The following TCERG1L variants were observed in gnomAD, a reference collection of about 807,000 sequenced individuals.
TCERG1L encodes the protein transcription elongation regulator 1-like protein.
Under a neutral mutation model 56.3 loss-of-function variants are expected in TCERG1L, and 37 were observed. That is an observed-to-expected ratio of 0.66 (90% CI 0.51 to 0.87). TCERG1L has a LOEUF of 0.87. Among genes scored for constraint, TCERG1L ranks in the 40% least tolerant of loss-of-function variants. The pLI is 0.00. For missense variants in TCERG1L, 799 were observed against 774.2 expected (o/e 1.03, Z -0.38); for synonymous variants, 324 against 326.3 (o/e 0.99, Z 0.08).
intron 4 of TCERG1L, among the ~76,000 whole-genome samples, chr10:131,223,469 G>A (rs141686960): frequency 5.3e-5 from 8 of 152,256 alleles, no homozygotes; most frequent in Non-Finnish European, 1.2e-4. Context: ...ACTGTTTTGG[G>A]TCCACCCTTT....
intron 4 of TCERG1L, among the ~76,000 whole-genome samples, chr10:131,248,760 C>CA (rs1846069992): frequency 6.6e-6 from 1 of 152,208 alleles, no homozygotes; most frequent in African/African-American, 2.4e-5. Context: ...GCTTTCTGCC[C>CA]AAGTCTCCGG....
intron 4 of TCERG1L, among the ~76,000 whole-genome samples, chr10:131,254,912 A>C (rs1589762933): frequency 2.0e-5 from 3 of 152,288 alleles, no homozygotes; most frequent in African/African-American, 7.2e-5. Context: ...TTCCTTATAG[A>C]GCGGTGAGGC....
chr10:131,219,070 G>A (rs1845703214), intron 4 of TCERG1L, among the ~76,000 whole-genome samples: 1 of 152,140 alleles, frequency 6.6e-6, no homozygotes, highest in Non-Finnish European at 1.5e-5. Context: ...GCATGGCTCT[G>A]CCAGCAGCTC....
At chr10:131,190,139 T>C (rs1845288569) in intron 4 of TCERG1L, among the ~76,000 whole-genome samples, 1 of 152,136 alleles carries the variant, frequency 6.6e-6, no homozygotes. Flanking sequence ...GAGACTCCTA[T>C]AAACATCTCT....
intron 1 of TCERG1L, among the ~76,000 whole-genome samples, chr10:131,309,857 A>AAAAAAAAAAAAAAC (rs1564838632): frequency 6.7e-6 from 1 of 150,176 alleles, no homozygotes; most frequent in Non-Finnish European, 1.5e-5. Flanking sequence ...AAAAAAAAAA[A>AAAAAAAAAAAAAAC]AACTAAGCAT....
In TCERG1L at chr10:131,185,918, G is replaced by GC. The variant is rs201568456; in HGVS notation, c.857-19034dup. ...CAATACTTTTAAACAAATGTTCACA[G>GC]CAACACTATTCATAATCACCAAAAT... is the stretch of plus-strand genomic sequence containing the variant. On this transcript the variant is annotated intron_variant, in intron 4 of 11. Transcript: ENST00000368642. 7.8e-3 allele frequency among the ~76,000 whole-genome samples: 1,192 copies of GC among 152,310 alleles called. 4 individuals are homozygous for GC. Among genetic ancestry groups the GC allele is most frequent in the Non-Finnish European group, 0.012 (822 of 68,038 alleles).
In TCERG1L at chr10:131,309,317, A is replaced by C. The variant is rs952600051; in HGVS notation, c.343-18T>G. The stretch of plus-strand genomic sequence containing the variant: ...AACAGCCACTGCAAGCCAAGCAAGA[A>C]AAGACAGCTGCATTAGCCTGAATCC... On this transcript the variant is annotated intron_variant, in intron 1 of 11. Transcript: ENST00000368642. The C allele has an allele frequency of 6.3e-7, 1 of 1,594,350 alleles. No individual in the cohort carries two copies. Among genetic ancestry groups the C allele is most frequent in the Non-Finnish European group, 8.5e-7 (1 of 1,174,020 alleles).
At chr10:131,225,490 G>C (rs1444696354) in intron 4 of TCERG1L, among the ~76,000 whole-genome samples, 2 of 152,204 alleles carry the variant, frequency 1.3e-5, no homozygotes, top group Non-Finnish European at 2.9e-5. Context: ...CCAGCTGGAG[G>C]CTCTCCCGAT....
chr10:131,130,072 A>C (rs1230794900), intron 8 of TCERG1L, among the ~76,000 whole-genome samples: 1 of 148,306 alleles, frequency 6.7e-6, no homozygotes, highest in Non-Finnish European at 1.5e-5. Flanking sequence ...GACATATCCG[A>C]GACTGGGTGA....
At chr10:131,172,347 G>A (rs1002336577) in intron 4 of TCERG1L, among the ~76,000 whole-genome samples, 1 of 152,236 alleles carries the variant, frequency 6.6e-6, no homozygotes, top group Non-Finnish European at 1.5e-5. Context: ...CCAAGGAACA[G>A]GGAGAGAGAA....
At chr10:131,279,349 G>A (rs1464055680) in intron 3 of TCERG1L, among the ~76,000 whole-genome samples, 1 of 152,192 alleles carries the variant, frequency 6.6e-6, no homozygotes, top group Non-Finnish European at 1.5e-5. Flanking sequence ...GACGCTCAGT[G>A]CCATGCGTTG....
intron 6 of TCERG1L, among the ~76,000 whole-genome samples, chr10:131,155,585 C>T (rs557422513): frequency 1.3e-5 from 2 of 152,334 alleles, no homozygotes; most frequent in South Asian, 4.1e-4. Context: ...CAGCAGTGTC[C>T]CAGCTTTCCT....
chr10:131,295,119 C>T (rs548988783), intron 3 of TCERG1L, among the ~76,000 whole-genome samples: 1 of 152,158 alleles, frequency 6.6e-6, no homozygotes, highest in Admixed American at 6.5e-5. Context: ...TGGCATAATG[C>T]TTTTGGGATC....
chr10:131,152,460 C>G (rs960279513), intron 6 of TCERG1L, among the ~76,000 whole-genome samples: 1 of 152,228 alleles, frequency 6.6e-6, no homozygotes, highest in Admixed American at 6.5e-5. Flanking sequence ...ATATCACTGT[C>G]TATGTTTTGG....
chr10:131,217,038 T>C (rs1845677121), intron 4 of TCERG1L, among the ~76,000 whole-genome samples: 2 of 152,188 alleles, frequency 1.3e-5, no homozygotes, highest in Admixed American at 6.6e-5. Context: ...ACAGGGTTGA[T>C]GTCCCTGGCT....
chr10:131,205,420 G>T (rs181123903), intron 4 of TCERG1L, among the ~76,000 whole-genome samples: 1 of 151,322 alleles, frequency 6.6e-6, no homozygotes, highest in Admixed American at 6.6e-5. Flanking sequence ...GGGAGAAAAA[G>T]TTAGACTCTG....
chr10:131,288,683 A>T (rs1846573682), intron 3 of TCERG1L, among the ~76,000 whole-genome samples: 1 of 152,206 alleles, frequency 6.6e-6, no homozygotes. Flanking sequence ...GCTGGATGAG[A>T]GAGGGCCTTA....
chr10:131,120,017 C>A (rs188114703), intron 8 of TCERG1L, among the ~76,000 whole-genome samples: 1 of 152,208 alleles, frequency 6.6e-6, no homozygotes, highest in East Asian at 1.9e-4. Flanking sequence ...GGGGGTCCCT[C>A]ACGCCCAGGG....
chr10:131,092,993 G>A lies in TCERG1L; in HGVS notation c.*169C>T. 1.7e-6 allele frequency: 1 copy of A among 595,440 alleles called. No individual in the cohort carries two copies. Among genetic ancestry groups the A allele is most frequent in the Non-Finnish European group, 2.9e-6 (1 of 346,556 alleles). The allele number at this position is 595,440 out of a possible 1,614,324, so 36.9% of individuals were successfully genotyped here. On this transcript the variant is annotated 3_prime_UTR_variant, in exon 12 of 12. Transcript: ENST00000368642. Reference sequence around the variant, plus strand: ...AAACTCTGAATGTACAAAAGAGAGAGCTTCAATATGAAACAGTAATCCTCT... The same window carrying A: ...AAACTCTGAATGTACAAAAGAGAGAACTTCAATATGAAACAGTAATCCTCT...
Sources: allele counts gnomAD v4.1 joint callset (sites outside exome capture counted in the v4.1 genomes callset), GRCh38; gene constraint gnomAD v4.1.1; transcripts MANE v1.5; gene names NCBI Gene and HGNC (gene_info 2026-07-23, HGNC 2026-07-21).